Variants in GARIN1A observed in about 807,000 individuals in gnomAD.
GARIN1A encodes golgi associated RAB2 interactor 1A, also known as Golgi-associated RAB2 interactor protein 1A.
At chr7:128,689,264 C>G in the GARIN1A span, among the ~76,000 whole-genome samples, 5 of 151,922 alleles carry the variant, frequency 3.3e-5, no homozygotes, top group Non-Finnish European at 7.4e-5. Flanking sequence ...AGCCGCCCAT[C>G]GTCTGGGATG....
chr7:128,683,121 A>G, the GARIN1A span: 5 of 1,612,550 alleles, frequency 3.1e-6, no homozygotes, highest in East Asian at 2.2e-5. Flanking sequence ...ACAAGTTCAT[A>G]TAGCCAGTTA....
At chr7:128,698,835 C>T in the GARIN1A span, among the ~76,000 whole-genome samples, 1 of 152,140 alleles carries the variant, frequency 6.6e-6, no homozygotes, top group African/African-American at 2.4e-5. Context: ...GATCCGCCCC[C>T]CTCAGTCTCT....
the GARIN1A span, among the ~76,000 whole-genome samples, chr7:128,689,096 C>T: frequency 2.0e-5 from 3 of 152,060 alleles, no homozygotes; most frequent in East Asian, 1.9e-4. Flanking sequence ...GTCTTGTTCA[C>T]TCAGTGCTCA....
At chr7:128,680,089 C>T in the GARIN1A span, 1 of 1,582,208 alleles carries the variant, frequency 6.3e-7, no homozygotes, top group Non-Finnish European at 8.6e-7. Context: ...CTGCTGGCGG[C>T]TGAGCAGACC....
the GARIN1A span, among the ~76,000 whole-genome samples, chr7:128,708,460 C>T: frequency 6.6e-6 from 1 of 151,754 alleles, no homozygotes; most frequent in African/African-American, 2.4e-5. Flanking sequence ...AATGGTGAAC[C>T]CAGCTGGGCT....
the GARIN1A span, among the ~76,000 whole-genome samples, chr7:128,700,290 T>G: frequency 6.6e-6 from 1 of 151,480 alleles, no homozygotes; most frequent in Non-Finnish European, 1.5e-5. Context: ...TTTTGTTTTT[T>G]TTTTTTTTGA....
chr7:128,674,490 C>T, the GARIN1A span, among the ~76,000 whole-genome samples: 31 of 152,136 alleles, frequency 2.0e-4, no homozygotes, highest in African/African-American at 7.5e-4. Context: ...AGTACAGTTA[C>T]ACTGCTTCCT....
the GARIN1A span, among the ~76,000 whole-genome samples, chr7:128,682,055 A>G: frequency 6.6e-6 from 1 of 151,908 alleles, no homozygotes; most frequent in East Asian, 1.9e-4. Context: ...TCATCCTCTC[A>G]TATTTTGACC....
the GARIN1A span, among the ~76,000 whole-genome samples, chr7:128,688,415 T>C: frequency 3.3e-5 from 5 of 152,232 alleles, no homozygotes; most frequent in Non-Finnish European, 5.9e-5. Context: ...GGATTTAATT[T>C]AAATAACATA....
the GARIN1A span, chr7:128,697,336 C>CA: frequency 1.3e-5 from 2 of 152,588 alleles, no homozygotes; most frequent in Middle Eastern, 6.8e-3. Context: ...CCGTGAATCA[C>CA]AGCCAGCCTC....
chr7:128,673,955 A>G, the GARIN1A span, among the ~76,000 whole-genome samples: 4 of 151,958 alleles, frequency 2.6e-5, no homozygotes, highest in African/African-American at 4.8e-5. Context: ...TTGCCCTGGC[A>G]TGGTCTAGGC....
chr7:128,681,305 A>G, the GARIN1A span, among the ~76,000 whole-genome samples: 1 of 152,136 alleles, frequency 6.6e-6, no homozygotes, highest in Non-Finnish European at 1.5e-5. Context: ...GACCTTTCCT[A>G]GGGGGGAACT....
chr7:128,689,482 G>T, the GARIN1A span, among the ~76,000 whole-genome samples: 1 of 151,258 alleles, frequency 6.6e-6, no homozygotes, highest in Admixed American at 6.6e-5. Flanking sequence ...CTGCCTGGCC[G>T]CCCCATCTGA....
At chr7:128,705,664 T>G in the GARIN1A span, among the ~76,000 whole-genome samples, 3 of 135,598 alleles carry the variant, frequency 2.2e-5, no homozygotes, top group Admixed American at 7.5e-5. Context: ...TGTTTTTTTT[T>G]TTTTTTTTTT....
At chr7:128,705,119 G>A in the GARIN1A span, among the ~76,000 whole-genome samples, 1 of 152,130 alleles carries the variant, frequency 6.6e-6, no homozygotes, top group South Asian at 2.1e-4. Context: ...GATGTAACGC[G>A]GTTTGTTTAT....
the GARIN1A span, among the ~76,000 whole-genome samples, chr7:128,704,494 G>C: frequency 6.6e-6 from 1 of 151,766 alleles, no homozygotes; most frequent in Non-Finnish European, 1.5e-5. Context: ...TAGTACAGAC[G>C]GGGTTTCACC....
At chr7:128,692,093 G>A in the GARIN1A span, among the ~76,000 whole-genome samples, 1 of 152,190 alleles carries the variant, frequency 6.6e-6, no homozygotes, top group East Asian at 1.9e-4. Context: ...CAGTTGGTAT[G>A]AAGAGCTCCC....
the GARIN1A span, among the ~76,000 whole-genome samples, chr7:128,681,819 T>C: frequency 5.9e-5 from 9 of 151,890 alleles, no homozygotes; most frequent in African/African-American, 2.2e-4. Flanking sequence ...TTTCTTGGGT[T>C]CTTTGAAATC....
At chr7:128,686,354 CA>C in the GARIN1A span, 2 of 152,246 alleles carry the variant, frequency 1.3e-5, no homozygotes, top group African/African-American at 4.8e-5. Context: ...AACCACACCA[CA>C]AGCCATTGAG....
Sources: allele counts gnomAD v4.1 joint callset (sites outside exome capture counted in the v4.1 genomes callset), GRCh38; gene constraint gnomAD v4.1.1; transcripts MANE v1.5; gene names NCBI Gene and HGNC (gene_info 2026-07-23, HGNC 2026-07-21).